The following PRSS12 variants were observed in gnomAD, a reference collection of about 807,000 sequenced individuals.
The protein encoded by PRSS12 is neurotrypsin.
PRSS12 carries 85 observed loss-of-function variants against 104.4 expected under a neutral mutation model. The ratio of observed to expected loss-of-function variants is 0.81; its 90% CI spans 0.68 to 0.98. The LOEUF (loss-of-function observed/expected upper bound fraction) is 0.98, where lower values mean the gene tolerates loss of function less well. Among genes scored for constraint, PRSS12 ranks in the 50% least tolerant of loss-of-function variants. The probability of loss-of-function intolerance (pLI) is 0.00; values close to 1 mark genes in which losing one functional copy is unlikely to be tolerated. For synonymous variants in PRSS12, 454 were observed against 425.2 expected (o/e 1.07, Z -0.83); for missense variants, 1,141 against 1,139.2 (o/e 1.00, Z -0.02).
chr4:118,352,793 G>C lies in PRSS12; in HGVS notation c.-73C>G, dbSNP rs115419931. On this transcript the variant is annotated 5_prime_UTR_variant, in exon 1 of 13. Transcript: ENST00000296498. ...TTGGAGCGGAGAAGAGGAGGGGGCG[G>C]GGGCGGGGCTGCCGCGTCCCTCGAA... 0.071 allele frequency: 112,023 copies of C among 1,583,338 alleles called. 4,754 individuals are homozygous for C. The highest frequency in any genetic ancestry group is 0.084 in the Non-Finnish European group (98,536 of 1,168,342).
chr4:118,342,102 G>A (rs567185629), intron 1 of PRSS12, among the ~76,000 whole-genome samples: 18 of 152,158 alleles, frequency 1.2e-4, no homozygotes, highest in South Asian at 4.1e-4. Flanking sequence ...TCCCACAGCT[G>A]TACAAAGTTG....
intron 11 of PRSS12, among the ~76,000 whole-genome samples, chr4:118,285,466 T>C (rs1742992108): frequency 1.3e-5 from 2 of 152,210 alleles, no homozygotes; most frequent in Non-Finnish European, 2.9e-5. Context: ...ACAAGAATTA[T>C]TGTAAATACA....
chr4:118,352,740 C>G lies in PRSS12; in HGVS notation c.-20G>C. On this transcript the variant is annotated 5_prime_UTR_variant, in exon 1 of 13. Transcript: ENST00000296498. Reference sequence around the variant, plus strand: ...CGTCATGGTGCCAGCGCTGCGGGGTCTGGTCCATGCTCCCCAGCTTCTCGG... The same window carrying G: ...CGTCATGGTGCCAGCGCTGCGGGGTGTGGTCCATGCTCCCCAGCTTCTCGG... The G allele has an allele frequency of 6.2e-7, 1 of 1,610,312 alleles. No individual in the cohort carries two copies. The highest frequency in any genetic ancestry group is 1.1e-5 in the South Asian group (1 of 90,674).
rs1246200038 is a variant in PRSS12, at chr4:118,280,083, A to G, written c.*1853T>C. 6.6e-6 allele frequency: 1 copy of G among 152,264 alleles called. No homozygotes were observed. Among genetic ancestry groups the G allele is most frequent in the Non-Finnish European group, 1.5e-5 (1 of 68,044 alleles). 9.4% of individuals were successfully genotyped at this position (152,264 alleles called of 1,614,324 possible). A position where few individuals can be genotyped will look rare whatever the true frequency, so the allele number is the denominator to read the frequency against. On this transcript the variant is annotated 3_prime_UTR_variant, in exon 13 of 13. Coordinates refer to ENST00000296498, the MANE Select transcript of PRSS12 (RefSeq NM_003619.4). ...ATTTATTTACACAAATATGCACAGA[A>G]CACTTGTATCTTTCAAAAGTCACAC...
At chr4:118,312,755 C>T (rs1743778369) in intron 7 of PRSS12, among the ~76,000 whole-genome samples, 1 of 151,592 alleles carries the variant, frequency 6.6e-6, no homozygotes, top group African/African-American at 2.4e-5. Flanking sequence ...TGGTTGGTGA[C>T]CAACGAACGA....
chr4:118,339,703 T>C (rs1261853995), intron 1 of PRSS12, among the ~76,000 whole-genome samples: 2 of 152,220 alleles, frequency 1.3e-5, no homozygotes, highest in African/African-American at 2.4e-5. Flanking sequence ...CAAGAGGAAG[T>C]CCTGCCTAGC....
At chr4:118,309,082 C>CA (rs912473885) in intron 7 of PRSS12, among the ~76,000 whole-genome samples, 38 of 136,028 alleles carry the variant, frequency 2.8e-4, no homozygotes, top group African/African-American at 7.1e-4. Flanking sequence ...CTGGAGGAGG[C>CA]AAAAAAAAGA....
intron 1 of PRSS12, among the ~76,000 whole-genome samples, chr4:118,342,858 C>G (rs1373317404): frequency 2.0e-5 from 3 of 152,164 alleles, no homozygotes; most frequent in Non-Finnish European, 2.9e-5. Flanking sequence ...TGTTTTCCTT[C>G]TAAGTACATA....
At chr4:118,315,770 A>G (rs771458434) in intron 6 of PRSS12, among the ~76,000 whole-genome samples, 3 of 152,268 alleles carry the variant, frequency 2.0e-5, no homozygotes, top group Non-Finnish European at 4.4e-5. Flanking sequence ...TTATCATCAC[A>G]TTCTGAGAAA....
In PRSS12 at chr4:118,313,386, T is replaced by G. The variant is rs1252812721; in HGVS notation, c.1304A>C (p.Gln435Pro). Residue 435 changes from glutamine (Q) to proline (P), a missense_variant, in exon 7 of 13, where the codon CAA becomes CCA. Transcript: ENST00000296498. ...CRQLGFKYGK[Q>P]ASANHFEEST... ...TTCTTCAAAATGGTTGGCAGATGCTTGTTTACCATATCTGTGACAATTGAA... is the reference window on the plus strand; with the variant it reads ...TTCTTCAAAATGGTTGGCAGATGCTGGTTTACCATATCTGTGACAATTGAA... 1.2e-6 allele frequency: 2 copies of G among 1,614,106 alleles called. No individual in the cohort carries two copies. The highest frequency in any genetic ancestry group is 4.5e-5 in the East Asian group (2 of 44,870).
intron 5 of PRSS12, among the ~76,000 whole-genome samples, chr4:118,317,735 AAT>A (rs1164639230): frequency 6.6e-6 from 1 of 152,226 alleles, no homozygotes; most frequent in Non-Finnish European, 1.5e-5. Flanking sequence ...TCACTAAAGA[AAT>A]ATGTAAACAA....
At position 118,282,986 on chromosome 4, in the gene PRSS12, C is replaced by T. The variant is rs769715008; in HGVS notation, c.2165G>A (p.Arg722His). 25 of 1,614,020 alleles carry T rather than the reference C, an allele frequency of 1.5e-5. No homozygotes were observed. Among genetic ancestry groups the T allele is most frequent in the South Asian group, 3.3e-5 (3 of 91,086 alleles). ...IVIHREYRPDRSDYDIALVRL... is the reference protein window; with the variant it reads ...IVIHREYRPDHSDYDIALVRL... ...AACCAGGGCTATGTCATAATCACTGCGGTCGGGTCGATACTCCCGATGAAT... is the reference window on the plus strand; with the variant it reads ...AACCAGGGCTATGTCATAATCACTGTGGTCGGGTCGATACTCCCGATGAAT... Residue 722 changes from arginine to histidine, a missense_variant, in exon 12 of 13, where the codon CGC becomes CAC. Coordinates refer to ENST00000296498, the MANE Select transcript of PRSS12 (RefSeq NM_003619.4).
In PRSS12 at chr4:118,281,462, A is replaced by C. The variant is rs994090516; in HGVS notation, c.*474T>G. 1.6e-5 allele frequency: 3 copies of C among 184,358 alleles called. No individual in the cohort carries two copies. Among genetic ancestry groups the C allele is most frequent in the African/African-American group, 7.1e-5 (3 of 42,224 alleles). 11.4% of individuals were successfully genotyped at this position (184,358 alleles called of 1,614,324 possible). Reference sequence around the variant, plus strand: ...CTGATTTCCTCACTTGACAAAGGCTACAGAGAATATGAAGATTTCTTGTCA... The same window carrying C: ...CTGATTTCCTCACTTGACAAAGGCTCCAGAGAATATGAAGATTTCTTGTCA... On this transcript the variant is annotated 3_prime_UTR_variant, in exon 13 of 13. Coordinates refer to ENST00000296498, the MANE Select transcript of PRSS12 (RefSeq NM_003619.4).
intron 10 of PRSS12, among the ~76,000 whole-genome samples, chr4:118,295,292 C>A (rs1743229853): frequency 3.3e-5 from 5 of 152,110 alleles, no homozygotes; most frequent in Admixed American, 3.3e-4. Flanking sequence ...TTGTATAGAT[C>A]CCACCTATCT....
chr4:118,330,231 G>A (rs1723883400), intron 4 of PRSS12, among the ~76,000 whole-genome samples: 1 of 152,172 alleles, frequency 6.6e-6, no homozygotes, highest in Admixed American at 6.5e-5. Context: ...CTCAATTTCA[G>A]CTTCATTTGT....
At chr4:118,342,297 CTTTG>C (rs779010124) in intron 1 of PRSS12, among the ~76,000 whole-genome samples, 3 of 152,274 alleles carry the variant, frequency 2.0e-5, no homozygotes, top group Non-Finnish European at 4.4e-5. Flanking sequence ...AGACGAAATT[CTTTG>C]TTTGGCAAAT....
intron 4 of PRSS12, among the ~76,000 whole-genome samples, chr4:118,330,824 CAT>C (rs1264160752): frequency 2.6e-5 from 4 of 151,958 alleles, no homozygotes; most frequent in Non-Finnish European, 5.9e-5. Context: ...TCAAATATAA[CAT>C]AGAATTTTGA....
chr4:118,282,324 T>C (rs71608358), intron 12 of PRSS12, 81 bp from the exon 13 acceptor site: 127,591 of 1,549,742 alleles, frequency 0.082, 5,945 homozygotes, highest in Non-Finnish European at 0.095. Flanking sequence ...GTAATAGTTA[T>C]GAAAATAAAA....
intron 9 of PRSS12, 51 bp from the exon 10 acceptor site, chr4:118,295,907 G>A (rs1229330872): frequency 1.3e-6 from 2 of 1,501,638 alleles, no homozygotes; most frequent in South Asian, 2.3e-5. Flanking sequence ...TGACAGAGGG[G>A]TAAGACGATA....
Sources: allele counts gnomAD v4.1 joint callset (sites outside exome capture counted in the v4.1 genomes callset), GRCh38; gene constraint gnomAD v4.1.1; transcripts MANE v1.5; gene names NCBI Gene and HGNC (gene_info 2026-07-23, HGNC 2026-07-21).